Variants in ABCC9 observed in about 807,000 individuals in gnomAD.
ABCC9 encodes the protein ATP-binding cassette sub-family C member 9.
ABCC9 carries 95 observed loss-of-function variants against 188.3 expected under a neutral mutation model. The observed-to-expected ratio is 0.50, with a 90% CI of 0.43 to 0.60. The LOEUF is 0.60. Among genes scored for constraint, ABCC9 ranks in the 20% least tolerant of loss-of-function variants. The pLI, the probability that ABCC9 is intolerant of heterozygous loss-of-function variation, is 0.00. For missense variants in ABCC9, 1,102 were observed against 1,876.3 expected, an observed-to-expected ratio of 0.59 and a Z score of 7.62; for synonymous variants, 659 against 652.7, an observed-to-expected ratio of 1.01 and a Z score of -0.15.
Position 21,860,916 on chromosome 12 carries a change from C to G in ABCC9, c.2424+55G>C. 4 of 1,347,462 alleles carry G rather than the reference C, an allele frequency of 3.0e-6. 1 individual carries two copies. In the South Asian group the frequency reaches 4.7e-5, roughly 16 times the overall value. 83.5% of individuals were successfully genotyped at this position (1,347,462 alleles called of 1,614,324 possible). On this transcript the variant is annotated intron_variant, in intron 21 of 39. Transcript: ENST00000261200. ...TTCTCTATTAAAGATTAAAGACAAC[C>G]AGAAGACTTTTCTAGATTTTTGTTC...
intron 14 of ABCC9, 80 bp downstream of exon 14, chr12:21,893,952 A>T: frequency 7.0e-7 from 1 of 1,432,664 alleles, no homozygotes; most frequent in South Asian, 1.2e-5. Flanking sequence ...GTTCTTTTTT[A>T]TATTTTTTCA....
chr12:21,820,507 T>C (rs1235000143), intron 31 of ABCC9, among the ~76,000 whole-genome samples: 1 of 151,426 alleles, frequency 6.6e-6, no homozygotes, highest in Non-Finnish European at 1.5e-5. Context: ...ATATAGCCTA[T>C]ATATATATAT....
At chr12:21,852,298 G>A (rs1286925606) in intron 23 of ABCC9, 70 bp downstream of exon 23, 3 of 1,612,684 alleles carry the variant, frequency 1.9e-6, no homozygotes, top group African/African-American at 2.7e-5. Context: ...ATTTCAGAAA[G>A]CATTTTTTAC....
At chr12:21,905,192 G>C (rs1315338424) in intron 12 of ABCC9, among the ~76,000 whole-genome samples, 1 of 152,080 alleles carries the variant, frequency 6.6e-6, no homozygotes, top group Non-Finnish European at 1.5e-5. Context: ...AACACCACAT[G>C]TTCTCACTCA....
rs1380107048 is a variant in ABCC9 at position 21,844,552 on chromosome 12, C to T, written c.3246G>A (p.Arg1082=). The change falls in exon 28 of 40, where the codon AGG becomes AGA. Residue 1082 remains arginine, a splice_region_variant and synonymous_variant. Coordinates refer to ENST00000261200, the MANE Select transcript of ABCC9 (RefSeq NM_020297.4). The part of the protein sequence containing the change: ...LLNKIILGPI[R]FFDTTPLGLI... ...GTCCCAGGGGTGTGGTATCAAAAAA[C>T]CTAGGCAATAAACAGATGGAAGTAT... 3.7e-6 allele frequency: 6 copies of T among 1,613,310 alleles called. No individual in the cohort carries two copies. Among genetic ancestry groups the T allele is most frequent in the South Asian group, 1.1e-5 (1 of 91,062 alleles).
chr12:21,900,153 A>G (rs1592183132), intron 12 of ABCC9, among the ~76,000 whole-genome samples: 4 of 152,192 alleles, frequency 2.6e-5, no homozygotes, highest in South Asian at 2.1e-4. Context: ...CTGTTCAGCA[A>G]TATTCTCTGT....
chr12:21,838,909 C>G (rs1162158630), intron 29 of ABCC9, among the ~76,000 whole-genome samples: 1 of 152,088 alleles, frequency 6.6e-6, no homozygotes, highest in African/African-American at 2.4e-5. Context: ...ACCAGTAATC[C>G]CAGCTACTCA....
intron 39 of ABCC9, among the ~76,000 whole-genome samples, chr12:21,803,698 G>A (rs978846327): frequency 6.7e-6 from 1 of 148,178 alleles, no homozygotes; most frequent in Non-Finnish European, 1.5e-5. Context: ...TTGGTCAACA[G>A]AAATAAATAT....
At chr12:21,813,408 G>T (rs1942391573) in intron 35 of ABCC9, among the ~76,000 whole-genome samples, 1 of 152,112 alleles carries the variant, frequency 6.6e-6, no homozygotes, top group Admixed American at 6.6e-5. Context: ...GAGCAGGCAA[G>T]GGTGATTAGC....
At chr12:21,805,975 C>G in intron 39 of ABCC9, 23 bp downstream of exon 39, 2 of 1,612,308 alleles carry the variant, frequency 1.2e-6, no homozygotes, top group South Asian at 2.2e-5. Flanking sequence ...AGAGGTATAC[C>G]AACTCCGTCT....
At chr12:21,923,975 A>C in intron 5 of ABCC9, 1 of 543,280 alleles carries the variant, frequency 1.8e-6, no homozygotes, top group Non-Finnish European at 3.2e-6. Flanking sequence ...AGCATCAAAA[A>C]ATCATGCTTA....
chr12:21,936,067 C>T (rs1351775883), intron 3 of ABCC9, among the ~76,000 whole-genome samples: 1 of 152,094 alleles, frequency 6.6e-6, no homozygotes, highest in Non-Finnish European at 1.5e-5. Context: ...TCTTCCCCAC[C>T]ACCTCCAAAG....
In ABCC9 at chr12:21,915,263, A is replaced by ATG. The variant is rs1300130225; in HGVS notation, c.816+404_816+405insCA. On this transcript the variant is annotated intron_variant, in intron 7 of 39. Transcript: ENST00000261200. The stretch of plus-strand genomic sequence containing the variant: ...TGTGTGTGTGTGTGTGTGTGTGTGT[A>ATG]TATAATGTGTATATATATGTGTGTA... Among the ~76,000 whole-genome samples the ATG allele has an allele frequency of 2.3e-3, 231 of 101,868 alleles. 2 individuals carry two copies. The highest frequency in any genetic ancestry group is 4.4e-3 in the African/African-American group (110 of 25,188). The allele number at this position is 101,868 out of a possible 152,430, so 66.8% of individuals were successfully genotyped here.
intron 30 of ABCC9, among the ~76,000 whole-genome samples, chr12:21,834,524 T>C (rs868024796): frequency 1.7e-4 from 26 of 152,000 alleles, no homozygotes; most frequent in Non-Finnish European, 2.9e-4. Context: ...GAAGGTGCCA[T>C]TTGGATAAAG....
In ABCC9 at chr12:21,912,915, T is replaced by C; in HGVS notation, c.968A>G (p.Gln323Arg). 1 of 1,613,640 alleles carries C rather than the reference T, an allele frequency of 6.2e-7. No homozygotes were observed. Among genetic ancestry groups the C allele is most frequent in the South Asian group, 1.1e-5 (1 of 91,070 alleles). Reference sequence around the variant, plus strand: ...CCCATTCTGGGTTTCATTCACACGCTGAACTATTCCAGAAATACAAAGAGG... The same window carrying C: ...CCCATTCTGGGTTTCATTCACACGCCGAACTATTCCAGAAATACAAAGAGG... ...AGPLCISGIV[Q>R]RVNETQNGTN... Residue 323 changes from glutamine (Q) to arginine (R), a missense_variant, in exon 8 of 40, where the codon CAG becomes CGG. Around this residue, in one of 12 missense-constraint regions of ABCC9, gnomAD observed 305 missense variants for 573.0 expected, o/e 0.53. Transcript: ENST00000261200.
chr12:21,899,948 C>A (rs1947635801), intron 12 of ABCC9, among the ~76,000 whole-genome samples: 2 of 152,174 alleles, frequency 1.3e-5, no homozygotes, highest in Admixed American at 6.5e-5. Flanking sequence ...TGTCTGACAG[C>A]TTTGAAGAGA....
intron 35 of ABCC9, 101 bp downstream of exon 35, chr12:21,814,543 T>C (rs1942476174): frequency 1.0e-6 from 1 of 982,936 alleles, no homozygotes; most frequent in South Asian, 1.3e-5. Context: ...CACAAAGTCC[T>C]TATAAATATT....
rs2137852465 is a variant in ABCC9 at position 21,908,225 on chromosome 12, C to T, written c.1321-14G>A. On this transcript the variant is annotated splice_polypyrimidine_tract_variant and intron_variant, in intron 10 of 39. Transcript: ENST00000261200. ...GCCCATTATGATCTAGAGAGAAAAA[C>T]ACATGGAAAAGAGAAGATGAATGGG... The T allele has an allele frequency of 6.2e-7, 1 of 1,611,772 alleles. No individual in the cohort carries two copies.
intron 30 of ABCC9, among the ~76,000 whole-genome samples, chr12:21,832,350 G>C (rs1282426721): frequency 6.6e-6 from 1 of 152,064 alleles, no homozygotes; most frequent in Non-Finnish European, 1.5e-5. Context: ...AAGACTCTGG[G>C]GACTCCAGTT....
Sources: allele counts gnomAD v4.1 joint callset (sites outside exome capture counted in the v4.1 genomes callset), GRCh38; gene constraint gnomAD v4.1.1; regional missense constraint gnomAD v4.1.1; transcripts MANE v1.5; gene names NCBI Gene and HGNC (gene_info 2026-07-23, HGNC 2026-07-21).